The following CPED1 variants were observed in gnomAD, a reference collection of about 807,000 sequenced individuals.
CPED1 encodes cadherin like and PC-esterase domain containing 1.
A neutral mutation model predicts 128.2 loss-of-function variants in CPED1; 114 were observed. The ratio of observed to expected loss-of-function variants is 0.89; its 90% CI spans 0.76 to 1.04. The LOEUF (loss-of-function observed/expected upper bound fraction) is 1.04. Ranked by LOEUF, CPED1 falls within the 50% of genes least tolerant of loss-of-function variation. The pLI is 0.00. For synonymous variants in CPED1, 462 were observed against 426.7 expected (o/e 1.08, Z -1.02); for missense variants, 1,211 against 1,207.1 (o/e 1.00, Z -0.05).
chr7:121,179,399 C>G (rs1042989876), intron 16 of CPED1, among the ~76,000 whole-genome samples: 2 of 151,972 alleles, frequency 1.3e-5, no homozygotes, highest in Non-Finnish European at 2.9e-5. Context: ...ACCTTTATAT[C>G]CTAGTGTATA....
chr7:121,027,473 G>A (rs1046503952), intron 3 of CPED1, among the ~76,000 whole-genome samples: 2 of 151,814 alleles, frequency 1.3e-5, no homozygotes, highest in African/African-American at 4.8e-5. Context: ...TAATAAAATA[G>A]CTGAATCTCT....
chr7:121,117,098 T>TAA (rs1554437031), intron 7 of CPED1, among the ~76,000 whole-genome samples: 3 of 134,650 alleles, frequency 2.2e-5, no homozygotes, highest in African/African-American at 8.3e-5. Flanking sequence ...TATATATATA[T>TAA]AAATATATAT....
intron 5 of CPED1, among the ~76,000 whole-genome samples, chr7:121,080,978 C>T (rs1794278485): frequency 6.6e-6 from 1 of 152,060 alleles, no homozygotes; most frequent in Admixed American, 6.6e-5. Flanking sequence ...AACATATCAT[C>T]AATATTAGAA....
intron 16 of CPED1, among the ~76,000 whole-genome samples, chr7:121,200,724 G>C (rs1470680012): frequency 6.6e-6 from 1 of 151,884 alleles, no homozygotes; most frequent in Non-Finnish European, 1.5e-5. Context: ...GCAAATATTT[G>C]TTGAATTGAA....
chr7:121,087,159 A>G (rs1794443539), intron 5 of CPED1, among the ~76,000 whole-genome samples: 1 of 152,212 alleles, frequency 6.6e-6, no homozygotes, highest in Non-Finnish European at 1.5e-5. Flanking sequence ...AAATTTTAAT[A>G]TAGTTTTTTT....
At chr7:121,057,653 C>T (rs1793536401) in intron 4 of CPED1, among the ~76,000 whole-genome samples, 1 of 152,224 alleles carries the variant, frequency 6.6e-6, no homozygotes, top group Non-Finnish European at 1.5e-5. Flanking sequence ...CAGAATGTCT[C>T]AATAACTTTA....
chr7:121,262,446 A>G (rs1792039616), intron 18 of CPED1, among the ~76,000 whole-genome samples: 1 of 152,042 alleles, frequency 6.6e-6, no homozygotes. Context: ...AAAAATACCA[A>G]TTCCTGTATA....
At chr7:120,994,414 A>G (rs1796358791) in intron 2 of CPED1, among the ~76,000 whole-genome samples, 1 of 152,218 alleles carries the variant, frequency 6.6e-6, no homozygotes, top group Non-Finnish European at 1.5e-5. Context: ...TACAAGTTAT[A>G]TAGAAATAAA....
intron 5 of CPED1, among the ~76,000 whole-genome samples, chr7:121,090,166 G>A (rs1794538611): frequency 6.6e-6 from 1 of 152,132 alleles, no homozygotes; most frequent in African/African-American, 2.4e-5. Flanking sequence ...GAGCGTTCAT[G>A]GCTTGCGTTT....
At chr7:121,260,232 T>TG (rs1273132683) in intron 18 of CPED1, among the ~76,000 whole-genome samples, 1 of 145,982 alleles carries the variant, frequency 6.9e-6, no homozygotes, top group African/African-American at 2.5e-5. Context: ...CGTTTTTTTT[T>TG]TTTTTTTTTT....
At chr7:121,029,934 T>A (rs1283543486) in intron 3 of CPED1, among the ~76,000 whole-genome samples, 1 of 152,142 alleles carries the variant, frequency 6.6e-6, no homozygotes. Flanking sequence ...AAAGATACAG[T>A]GTGTAAAAGA....
chr7:121,061,434 A>G (rs147271726), intron 4 of CPED1, among the ~76,000 whole-genome samples: 9 of 152,354 alleles, frequency 5.9e-5, no homozygotes, highest in African/African-American at 2.2e-4. Flanking sequence ...CAAGATCTGT[A>G]TATATTAAAA....
chr7:121,015,052 A>T (rs180863517), intron 2 of CPED1, among the ~76,000 whole-genome samples: 9 of 152,350 alleles, frequency 5.9e-5, no homozygotes, highest in African/African-American at 1.9e-4. Context: ...GCAATAAACT[A>T]TTGAGGGAAT....
chr7:121,059,475 GAAA>G (rs986370476), intron 4 of CPED1, among the ~76,000 whole-genome samples: 3 of 152,040 alleles, frequency 2.0e-5, no homozygotes, highest in African/African-American at 7.2e-5. Flanking sequence ...CAGATATGAG[GAAA>G]AAGAGCATTT....
At chr7:121,009,094 G>A (rs1792097162) in intron 2 of CPED1, among the ~76,000 whole-genome samples, 1 of 152,054 alleles carries the variant, frequency 6.6e-6, no homozygotes, top group Admixed American at 6.6e-5. Flanking sequence ...ATTATAACTA[G>A]TTGCTTATGT....
At chr7:121,097,551 G>A in intron 5 of CPED1, 148 bp from the exon 6 acceptor site, 2 of 805,550 alleles carry the variant, frequency 2.5e-6, no homozygotes, top group Non-Finnish European at 4.0e-6. Flanking sequence ...TTCATACTTA[G>A]TGGATCCATT....
chr7:121,222,152 C>G (rs1312619670), intron 16 of CPED1, among the ~76,000 whole-genome samples: 1 of 152,132 alleles, frequency 6.6e-6, no homozygotes, highest in Non-Finnish European at 1.5e-5. Flanking sequence ...AGGAAGGGAT[C>G]CAGTTTCAGC....
At chr7:121,187,685 T>C (rs371186307) in intron 16 of CPED1, among the ~76,000 whole-genome samples, 4 of 151,944 alleles carry the variant, frequency 2.6e-5, no homozygotes, top group African/African-American at 9.7e-5. Flanking sequence ...TTTAACAGAG[T>C]AAATTACTTG....
chr7:120,994,625 C>CTGTG (rs35288728), intron 2 of CPED1, among the ~76,000 whole-genome samples: 2,206 of 144,628 alleles, frequency 0.015, 25 homozygotes, highest in East Asian at 0.066. Flanking sequence ...ATTTGTTATA[C>CTGTG]TGTGTGTGTG....
Sources: gnomAD v4.1 joint callset for allele counts (sites outside exome capture counted in the v4.1 genomes callset) on GRCh38, gnomAD v4.1.1 for gene constraint, MANE v1.5 for transcripts, NCBI Gene and HGNC (gene_info 2026-07-23, HGNC 2026-07-21) for gene names.